The following GTF2B variants were observed in gnomAD, a reference collection of about 807,000 sequenced individuals.
The protein encoded by GTF2B is transcription initiation factor IIB.
Under a neutral mutation model 34.6 loss-of-function variants are expected in GTF2B, and 20 were observed. The observed-to-expected ratio is 0.58, with a 90% CI of 0.41 to 0.84. The LOEUF (loss-of-function observed/expected upper bound fraction) is 0.84. Among genes scored for constraint, GTF2B ranks in the 40% least tolerant of loss-of-function variants. The probability of loss-of-function intolerance (pLI) is 0.00; values close to 1 mark genes in which losing one functional copy is unlikely to be tolerated. For missense variants in GTF2B, 237 were observed against 393.3 expected, an observed-to-expected ratio of 0.60 and a Z score of 3.36; for synonymous variants, 142 against 132.4, an observed-to-expected ratio of 1.07 and a Z score of -0.50.
At chr1:88,856,272 C>CAAAAAAAAAAAAAAAAAAAAAAAAA in intron 6 of GTF2B, among the ~76,000 whole-genome samples, 1 of 50,040 alleles carries the variant, frequency 2.0e-5, no homozygotes, top group Non-Finnish European at 3.4e-5. Context: ...GTTTCAAAAA[C>CAAAAAAAAAAAAAAAAAAAAAAAAA]AAAAAAAAAA....
At chr1:88,876,854 T>C (rs1185479179) in intron 2 of GTF2B, among the ~76,000 whole-genome samples, 2 of 152,200 alleles carry the variant, frequency 1.3e-5, no homozygotes, top group African/African-American at 2.4e-5. Flanking sequence ...TATGTAACTA[T>C]AGTTACACAG....
At chr1:88,873,352 G>C (rs1185518869) in intron 2 of GTF2B, among the ~76,000 whole-genome samples, 2 of 151,862 alleles carry the variant, frequency 1.3e-5, no homozygotes, top group East Asian at 3.9e-4. Flanking sequence ...ACCACGCCAG[G>C]CTAATGCCCA....
At chr1:88,871,839 C>A (rs1464837303) in intron 2 of GTF2B, among the ~76,000 whole-genome samples, 1 of 152,120 alleles carries the variant, frequency 6.6e-6, no homozygotes, top group Non-Finnish European at 1.5e-5. Context: ...TCAAGCAATT[C>A]TCCTAATTCA....
At chr1:88,864,168 C>T in intron 2 of GTF2B, 54 bp from the exon 3 acceptor site, 1 of 1,557,138 alleles carries the variant, frequency 6.4e-7, no homozygotes, top group Non-Finnish European at 8.9e-7. Flanking sequence ...GTTTACTTAA[C>T]TACACTGTCC....
chr1:88,867,282 G>A (rs1359810857), intron 2 of GTF2B, among the ~76,000 whole-genome samples: 1 of 152,014 alleles, frequency 6.6e-6, no homozygotes, highest in East Asian at 1.9e-4. Context: ...ATGCACCTAC[G>A]TTTTCCTAAA....
At position 88,864,115 on chromosome 1, in the gene GTF2B, C is replaced by G. The variant is rs1285537328; in HGVS notation, c.125-1G>C. Reference sequence around the variant, plus strand: ...GATCCCACATCAATAACCCGGTCACCTAAGAATATAAGCACATATCTGAAT... The same window carrying G: ...GATCCCACATCAATAACCCGGTCACGTAAGAATATAAGCACATATCTGAAT... On this transcript the variant is annotated splice_acceptor_variant, in intron 2 of 6. Coordinates refer to ENST00000370500, the MANE Select transcript of GTF2B (RefSeq NM_001514.6). LOFTEE classifies it high-confidence loss of function. The G allele has an allele frequency of 9.9e-6, 16 of 1,613,854 alleles. No individual in the cohort carries two copies. Among genetic ancestry groups the G allele is most frequent in the Non-Finnish European group, 1.4e-5 (16 of 1,179,744 alleles).
rs781340233 is a variant in GTF2B, at chr1:88,860,114, C to T, written c.405+26G>A. ...TTATGCAAAGTCAATGCCAGAATGG[C>T]TTAAAGGAGGTAGACAAGAACTTAC... On this transcript the variant is annotated intron_variant, in intron 4 of 6. Coordinates refer to ENST00000370500, the MANE Select transcript of GTF2B (RefSeq NM_001514.6). 18 of 1,613,406 alleles carry T rather than the reference C, an allele frequency of 1.1e-5. No homozygotes were observed. In the East Asian group the frequency reaches 3.8e-4, roughly 34 times the overall value.
At chr1:88,874,622 A>G (rs1269815521) in intron 2 of GTF2B, among the ~76,000 whole-genome samples, 2 of 150,230 alleles carry the variant, frequency 1.3e-5, no homozygotes, top group Non-Finnish European at 3.0e-5. Flanking sequence ...GGATTACGGC[A>G]CAAGCCCCTG....
intron 2 of GTF2B, among the ~76,000 whole-genome samples, chr1:88,875,290 T>C (rs1342182675): frequency 6.6e-6 from 1 of 152,222 alleles, no homozygotes; most frequent in Non-Finnish European, 1.5e-5. Context: ...AAACAAAGCA[T>C]ATCACAGTTT....
At chr1:88,879,668 G>T (rs551176794) in intron 2 of GTF2B, among the ~76,000 whole-genome samples, 73 of 151,984 alleles carry the variant, frequency 4.8e-4, no homozygotes, top group Non-Finnish European at 8.5e-4. Flanking sequence ...GATTATGCAA[G>T]TTGGGCCGTA....
At chr1:88,877,532 G>A (rs988426695) in intron 2 of GTF2B, among the ~76,000 whole-genome samples, 1 of 152,152 alleles carries the variant, frequency 6.6e-6, no homozygotes, top group East Asian at 1.9e-4. Context: ...TTCATGAACT[G>A]ATTATCTAAA....
chr1:88,880,164 C>CA (rs1213948582), intron 2 of GTF2B, among the ~76,000 whole-genome samples: 1 of 152,142 alleles, frequency 6.6e-6, no homozygotes, highest in Non-Finnish European at 1.5e-5. Flanking sequence ...TAAAAAGTTT[C>CA]AGACAATGTA....
intron 1 of GTF2B, among the ~76,000 whole-genome samples, chr1:88,890,245 T>A (rs551442227): frequency 6.6e-6 from 1 of 151,582 alleles, no homozygotes; most frequent in Admixed American, 6.6e-5. Context: ...AAGGAGGCCT[T>A]ACCCGACAGA....
chr1:88,882,802 T>C (rs753281075), intron 2 of GTF2B, among the ~76,000 whole-genome samples: 1 of 152,230 alleles, frequency 6.6e-6, no homozygotes, highest in East Asian at 1.9e-4. Context: ...AAGGCATTCA[T>C]AGAATTGTAT....
At chr1:88,880,895 G>A (rs956977298) in intron 2 of GTF2B, among the ~76,000 whole-genome samples, 1 of 151,494 alleles carries the variant, frequency 6.6e-6, no homozygotes, top group African/African-American at 2.4e-5. Context: ...TTTAACCCCA[G>A]CTACTCGAGT....
At chr1:88,865,082 C>CA (rs1422340139) in intron 2 of GTF2B, among the ~76,000 whole-genome samples, 3 of 152,118 alleles carry the variant, frequency 2.0e-5, no homozygotes. Context: ...CAGAAAGAAA[C>CA]AAACGGCAGA....
At chr1:88,859,439 A>C (rs1673388057) in intron 5 of GTF2B, among the ~76,000 whole-genome samples, 1 of 152,234 alleles carries the variant, frequency 6.6e-6, no homozygotes, top group South Asian at 2.1e-4. Context: ...AGGCATTGGC[A>C]AATGATGCTC....
At chr1:88,861,981 C>A (rs1480051477) in intron 3 of GTF2B, among the ~76,000 whole-genome samples, 1 of 152,108 alleles carries the variant, frequency 6.6e-6, no homozygotes, top group African/African-American at 2.4e-5. Flanking sequence ...AGAGGAAAAT[C>A]ATTTAATCAA....
chr1:88,867,796 TTA>T (rs200295603), intron 2 of GTF2B, among the ~76,000 whole-genome samples: 32 of 152,130 alleles, frequency 2.1e-4, no homozygotes, highest in African/African-American at 7.5e-4. Flanking sequence ...GATGGATTTT[TTA>T]TTTTTTTTAA....
Sources: gnomAD v4.1 joint callset for allele counts (sites outside exome capture counted in the v4.1 genomes callset) on GRCh38, gnomAD v4.1.1 for gene constraint, MANE v1.5 for transcripts, NCBI Gene and HGNC (gene_info 2026-07-23, HGNC 2026-07-21) for gene names.